Variants in CD99L2 observed in about 807,000 individuals in gnomAD.
CD99L2 encodes CD99 antigen-like protein 2.
A neutral mutation model predicts 27.3 loss-of-function variants in CD99L2; 24 were observed. That is an observed-to-expected ratio of 0.88 (90% CI 0.64 to 1.24). The LOEUF is 1.24. CD99L2 is among the 50% of genes most tolerant of loss of function. CD99L2 has a pLI of 0.00. For synonymous variants in CD99L2, 97 were observed against 87.9 expected (o/e 1.10, Z -0.58); for missense variants, 255 against 221.6 (o/e 1.15, Z -0.96).
intron 1 of CD99L2, among the ~76,000 whole-genome samples, chrX:150,887,552 G>A (rs2047433946): frequency 9.0e-6 from 1 of 110,997 alleles, no homozygotes; most frequent in East Asian, 2.8e-4. Context: ...AAATCCCCAG[G>A]CTGCCCCACC....
At chrX:150,773,289 C>A (rs1342641602) in intron 9 of CD99L2, among the ~76,000 whole-genome samples, 1 of 113,097 alleles carries the variant, frequency 8.8e-6, no homozygotes, top group Non-Finnish European at 1.9e-5. Flanking sequence ...TGGCCCTGCC[C>A]TTGCCAGGCC....
chrX:150,877,773 C>A (rs1455363736), intron 1 of CD99L2, among the ~76,000 whole-genome samples: 1 of 110,941 alleles, frequency 9.0e-6, no homozygotes, highest in East Asian at 2.8e-4. Context: ...GAGCTGTGAT[C>A]GCACCACTGC....
At chrX:150,822,967 G>A (rs112683190) in intron 2 of CD99L2, among the ~76,000 whole-genome samples, 1,749 of 111,843 alleles carry the variant, frequency 0.016, 40 homozygotes, top group African/African-American at 0.054. Flanking sequence ...CCCTCATGCT[G>A]TTCTTGTGAT....
At chrX:150,819,757 A>C (rs549553671) in intron 2 of CD99L2, among the ~76,000 whole-genome samples, 1 of 112,007 alleles carries the variant, frequency 8.9e-6, no homozygotes, top group Admixed American at 9.5e-5. Flanking sequence ...AACCTAGATG[A>C]AACAGATAAC....
intron 1 of CD99L2, among the ~76,000 whole-genome samples, chrX:150,881,781 T>G (rs1399880474): frequency 2.7e-5 from 3 of 111,163 alleles, no homozygotes; most frequent in Non-Finnish European, 5.7e-5. Context: ...ATTTCCTTAA[T>G]TGGCTCCCTT....
intron 1 of CD99L2, among the ~76,000 whole-genome samples, chrX:150,880,510 C>A (rs1055450995): frequency 1.1e-4 from 12 of 111,645 alleles, no homozygotes; most frequent in African/African-American, 3.9e-4. Flanking sequence ...TCCATAGAGG[C>A]TGAAAGCAGA....
intron 4 of CD99L2, among the ~76,000 whole-genome samples, chrX:150,813,116 T>C (rs1667039565): frequency 9.0e-6 from 1 of 111,390 alleles, no homozygotes; most frequent in Non-Finnish European, 1.9e-5. Flanking sequence ...GGTGTGGTTA[T>C]AAAATGTAAT....
chrX:150,797,886 A>G (rs182895748), intron 4 of CD99L2, among the ~76,000 whole-genome samples: 3,269 of 107,027 alleles, frequency 0.031, 150 homozygotes, highest in African/African-American at 0.11. Flanking sequence ...TCTACAAAAA[A>G]TACAAAAAAT....
At chrX:150,770,475 A>C (rs1443684866) in intron 9 of CD99L2, 106 bp from the exon 10 acceptor site, 2 of 706,038 alleles carry the variant, frequency 2.8e-6, no homozygotes, top group Non-Finnish European at 4.4e-6. Context: ...AAAGCAGCAC[A>C]GCTCCCCTGG....
Position 150,769,027 on chromosome X carries a change from A to G in CD99L2, c.*7T>C. ...CCATTGTGCATGCCTGCAGCTGGAC[A>G]GGGCCCTCAGATCCGGGCTGGTTCG... is the stretch of plus-strand genomic sequence containing the variant. On this transcript the variant is annotated 3_prime_UTR_variant, in exon 11 of 11. Coordinates refer to ENST00000370377, the MANE Select transcript of CD99L2 (RefSeq NM_031462.4). 1 of 1,147,626 alleles carries G rather than the reference A, an allele frequency of 8.7e-7. No individual in the cohort carries two copies. The highest frequency in any genetic ancestry group is 1.1e-6 in the Non-Finnish European group (1 of 872,949). 94.6% of individuals were successfully genotyped at this position (1,147,626 alleles called of 1,213,427 possible).
chrX:150,882,597 C>A (rs1466231890), intron 1 of CD99L2, among the ~76,000 whole-genome samples: 3 of 110,084 alleles, frequency 2.7e-5, no homozygotes, highest in Admixed American at 1.9e-4. Flanking sequence ...ATCACTTGAA[C>A]CCGGGAGGCG....
At chrX:150,826,291 A>G (rs908240265) in intron 2 of CD99L2, among the ~76,000 whole-genome samples, 3 of 111,847 alleles carry the variant, frequency 2.7e-5, no homozygotes, top group Non-Finnish European at 1.9e-5. Flanking sequence ...GCACAAATGG[A>G]CTAATACAGG....
rs1285515861 is a variant in CD99L2, at chrX:150,870,865, G to A, written c.67+27657C>T. Among the ~76,000 whole-genome samples, 6 of 110,195 alleles carry A rather than the reference G, an allele frequency of 5.4e-5. No individual in the cohort carries two copies. The Admixed American group carries it at 5.9e-4, about 11-fold the overall frequency. On this transcript the variant is annotated intron_variant, in intron 1 of 10. Transcript: ENST00000370377. The stretch of plus-strand genomic sequence containing the variant: ...CAAGCAGTTATTTTCCTGTATAAGG[G>A]ACAAGCAGAACTGTGCACATACACT...
chrX:150,820,887 C>A (rs1255784004), intron 2 of CD99L2, among the ~76,000 whole-genome samples: 3 of 111,286 alleles, frequency 2.7e-5, no homozygotes, highest in Non-Finnish European at 3.8e-5. Context: ...ATGATCAATA[C>A]AAGGAGCAAA....
At chrX:150,861,416 G>A (rs1174095818) in intron 1 of CD99L2, among the ~76,000 whole-genome samples, 6 of 111,543 alleles carry the variant, frequency 5.4e-5, no homozygotes, top group African/African-American at 2.0e-4. Context: ...AAACAGACAC[G>A]TAGACCAATG....
At chrX:150,896,135 C>G (rs2047604909) in intron 1 of CD99L2, among the ~76,000 whole-genome samples, 1 of 111,188 alleles carries the variant, frequency 9.0e-6, no homozygotes, top group Non-Finnish European at 1.9e-5. Context: ...CGTGGTGGCT[C>G]ACGCCTGTAA....
chrX:150,824,361 G>GAA (rs1254849213), intron 2 of CD99L2, among the ~76,000 whole-genome samples: 1 of 81,168 alleles, frequency 1.2e-5, no homozygotes, highest in African/African-American at 5.0e-5. Flanking sequence ...GAAGGAAGAA[G>GAA]GAAGAAGAAG....
rs141869063 is a variant in CD99L2 at position 150,817,728 on chromosome X, C to T, written c.131-1650G>A. 8.8e-3 allele frequency among the ~76,000 whole-genome samples: 985 copies of T among 111,588 alleles called. 11 individuals are homozygous for T. The highest frequency in any genetic ancestry group is 0.031 in the African/African-American group (938 of 30,720). On this transcript the variant is annotated intron_variant, in intron 2 of 10. Transcript: ENST00000370377. ...TGAGGTCAGGTGTAGTGTCATGTGC[C>T]TGTAGTCCTAGCTACTTGGGAATAT...
chrX:150,864,875 C>G (rs1326615580), intron 1 of CD99L2, among the ~76,000 whole-genome samples: 1 of 111,032 alleles, frequency 9.0e-6, no homozygotes, highest in Admixed American at 9.6e-5. Flanking sequence ...AATTTACCTG[C>G]CTGGGCAACA....
Sources: gnomAD v4.1 joint callset for allele counts (sites outside exome capture counted in the v4.1 genomes callset) on GRCh38, gnomAD v4.1.1 for gene constraint, MANE v1.5 for transcripts, NCBI Gene and HGNC (gene_info 2026-07-23, HGNC 2026-07-21) for gene names.